The following KCNH5 variants were observed in gnomAD, a reference collection of about 807,000 sequenced individuals.
KCNH5 encodes voltage-gated delayed rectifier potassium channel KCNH5.
In KCNH5, 46 loss-of-function variants were observed where a neutral mutation model predicts 96.1. The ratio of observed to expected loss-of-function variants is 0.48; its 90% CI spans 0.38 to 0.61. KCNH5 has a LOEUF of 0.61. Ranked by LOEUF, KCNH5 falls within the 20% of genes least tolerant of loss-of-function variation. The pLI is 0.00. For synonymous variants in KCNH5, 439 were observed against 449.8 expected (o/e 0.98, Z 0.30); for missense variants, 907 against 1,225.8 (o/e 0.74, Z 3.88).
chr14:62,908,185 T>C (rs1331265974), intron 7 of KCNH5, among the ~76,000 whole-genome samples: 3 of 152,218 alleles, frequency 2.0e-5, no homozygotes, highest in African/African-American at 4.8e-5. Context: ...TAAGCATCAA[T>C]ATGTAGTAAA....
At chr14:63,041,858 T>C (rs1291062797) in intron 1 of KCNH5, among the ~76,000 whole-genome samples, 1 of 152,162 alleles carries the variant, frequency 6.6e-6, no homozygotes, top group East Asian at 1.9e-4. Context: ...GCATAGGTTA[T>C]AGTTGCCACT....
intron 8 of KCNH5, among the ~76,000 whole-genome samples, chr14:62,808,856 T>C (rs541722645): frequency 2.0e-4 from 30 of 152,214 alleles, no homozygotes; most frequent in South Asian, 8.3e-4. Flanking sequence ...TGTTGCCTTG[T>C]TTTAATCCTC....
chr14:62,874,144 A>AT (rs1199210137), intron 7 of KCNH5, among the ~76,000 whole-genome samples: 1 of 152,232 alleles, frequency 6.6e-6, no homozygotes, highest in East Asian at 1.9e-4. Context: ...GACACTTTGT[A>AT]TATCTGTTTA....
intron 7 of KCNH5, among the ~76,000 whole-genome samples, chr14:62,887,327 C>T (rs1461119489): frequency 2.0e-5 from 3 of 151,996 alleles, no homozygotes; most frequent in Non-Finnish European, 4.4e-5. Flanking sequence ...GGTAGTGCTG[C>T]AAACTATAAT....
intron 9 of KCNH5, among the ~76,000 whole-genome samples, chr14:62,782,109 C>T (rs1159421840): frequency 1.3e-5 from 2 of 152,186 alleles, no homozygotes; most frequent in Non-Finnish European, 2.9e-5. Flanking sequence ...GACCTTGTCT[C>T]ACCCTTCAGG....
intron 7 of KCNH5, among the ~76,000 whole-genome samples, chr14:62,890,210 C>G (rs1435336607): frequency 1.3e-5 from 2 of 152,152 alleles, no homozygotes; most frequent in African/African-American, 4.8e-5. Context: ...GCAATCGCAC[C>G]AATAGCAAAA....
intron 7 of KCNH5, among the ~76,000 whole-genome samples, chr14:62,930,731 C>T (rs1243417249): frequency 6.6e-6 from 1 of 152,066 alleles, no homozygotes; most frequent in Non-Finnish European, 1.5e-5. Context: ...AGGAATTCAG[C>T]CCTCATTTTT....
In KCNH5 at chr14:62,971,578, G is replaced by A. The variant is rs182754363; in HGVS notation, c.942+9294C>T. On this transcript the variant is annotated intron_variant, in intron 6 of 10. Coordinates refer to ENST00000322893, the MANE Select transcript of KCNH5 (RefSeq NM_139318.5). ...ATATGGAAGTTGAAGAACCAAGTCA[G>A]AAGACTGATGCTATATGACTTTAAG... Among the ~76,000 whole-genome samples, 5 of 152,164 alleles carry A rather than the reference G, an allele frequency of 3.3e-5. No homozygotes were observed. The East Asian group carries it at 9.7e-4, about 29-fold the overall frequency.
intron 1 of KCNH5, among the ~76,000 whole-genome samples, chr14:63,034,834 C>G (rs1000776738): frequency 1.3e-5 from 2 of 152,048 alleles, no homozygotes; most frequent in Non-Finnish European, 2.9e-5. Flanking sequence ...AGCAACTTTG[C>G]TATTAAAAAA....
chr14:63,022,796 T>C (rs1566544625), intron 1 of KCNH5, among the ~76,000 whole-genome samples: 1 of 152,194 alleles, frequency 6.6e-6, no homozygotes, highest in Non-Finnish European at 1.5e-5. Flanking sequence ...TCAGGGAATC[T>C]TTCCCTGACT....
At chr14:63,017,691 A>G (rs960080419) in intron 1 of KCNH5, among the ~76,000 whole-genome samples, 1 of 151,418 alleles carries the variant, frequency 6.6e-6, no homozygotes, top group Non-Finnish European at 1.5e-5. Context: ...TGTCAACATT[A>G]AAATGAATTA....
At chr14:63,015,844 AAATT>A (rs1252478614) in intron 2 of KCNH5, among the ~76,000 whole-genome samples, 2 of 151,858 alleles carry the variant, frequency 1.3e-5, no homozygotes, top group African/African-American at 2.4e-5. Context: ...TTGGTTGAAA[AAATT>A]AACCTATAAG....
chr14:62,759,573 A>ATATATATATATATATATTTTTTTTTTT (rs1171935428), intron 10 of KCNH5, among the ~76,000 whole-genome samples: 9 of 151,084 alleles, frequency 6.0e-5, no homozygotes, highest in South Asian at 2.2e-4. Flanking sequence ...CGTAGGGTAT[A>ATATATATATATATATATTTTTTTTTTT]TTTTTTAATA....
chr14:62,807,912 A>C (rs1424359556), intron 8 of KCNH5, among the ~76,000 whole-genome samples: 2 of 151,994 alleles, frequency 1.3e-5, no homozygotes, highest in Non-Finnish European at 2.9e-5. Context: ...ATGACACTAT[A>C]ACTCTTACTG....
chr14:63,029,724 T>C (rs1261328811), intron 1 of KCNH5, among the ~76,000 whole-genome samples: 2 of 152,100 alleles, frequency 1.3e-5, no homozygotes, highest in Non-Finnish European at 2.9e-5. Context: ...AATTGCTGAA[T>C]ATTAACAATC....
At chr14:62,942,189 A>T (rs1889801993) in intron 7 of KCNH5, among the ~76,000 whole-genome samples, 1 of 152,148 alleles carries the variant, frequency 6.6e-6, no homozygotes, top group South Asian at 2.1e-4. Context: ...AACCAGCTCC[A>T]TGCCATGGAC....
intron 10 of KCNH5, among the ~76,000 whole-genome samples, chr14:62,778,412 C>T (rs1272128696): frequency 6.6e-6 from 1 of 152,208 alleles, no homozygotes; most frequent in East Asian, 1.9e-4. Flanking sequence ...AACCACACTA[C>T]AAGAGTCAAC....
At chr14:62,853,966 C>T (rs1887877070) in intron 7 of KCNH5, among the ~76,000 whole-genome samples, 2 of 146,858 alleles carry the variant, frequency 1.4e-5, no homozygotes, top group African/African-American at 2.5e-5. Context: ...GAGATAGCAC[C>T]ACTGCACTCC....
intron 7 of KCNH5, among the ~76,000 whole-genome samples, chr14:62,901,266 T>C (rs1237898783): frequency 6.6e-6 from 1 of 152,144 alleles, no homozygotes; most frequent in East Asian, 1.9e-4. Context: ...GGGTTCATGT[T>C]CAGATTTCTT....
Sources: allele counts gnomAD v4.1 joint callset (sites outside exome capture counted in the v4.1 genomes callset), GRCh38; gene constraint gnomAD v4.1.1; transcripts MANE v1.5; gene names NCBI Gene and HGNC (gene_info 2026-07-23, HGNC 2026-07-21).